MAGI2: variants seen among roughly 807,000 people sequenced by gnomAD.
MAGI2 encodes the protein membrane associated guanylate kinase, WW and PDZ domain containing 2.
A neutral mutation model predicts 133.3 loss-of-function variants in MAGI2; 35 were observed. That is an observed-to-expected ratio of 0.26 (90% CI 0.20 to 0.35). The LOEUF (loss-of-function observed/expected upper bound fraction) is 0.35, where lower values mean the gene tolerates loss of function less well. Ranked by LOEUF, MAGI2 falls within the 10% of genes least tolerant of loss-of-function variation. The pLI, the probability that MAGI2 is intolerant of heterozygous loss-of-function variation, is 1.00. For missense variants in MAGI2, 1,636 were observed against 1,863.4 expected (o/e 0.88, Z 2.25); for synonymous variants, 729 against 710.6 (o/e 1.03, Z -0.41).
At chr7:78,900,016 C>T (rs1301445655) in intron 2 of MAGI2, among the ~76,000 whole-genome samples, 1 of 152,142 alleles carries the variant, frequency 6.6e-6, no homozygotes, top group African/African-American at 2.4e-5. Context: ...ATTCTGAGAT[C>T]CATTTACTAA....
At chr7:78,798,630 G>T (rs142554886) in intron 2 of MAGI2, among the ~76,000 whole-genome samples, 166 of 152,264 alleles carry the variant, frequency 1.1e-3, no homozygotes, top group African/African-American at 3.9e-3. Context: ...GCTTCAGGAT[G>T]AATACTGAAT....
rs1275473223 is a variant in MAGI2, at chr7:78,522,401, CAG to C, written c.539-758_539-757del. On this transcript the variant is annotated intron_variant, in intron 3 of 21. Coordinates refer to ENST00000354212, the MANE Select transcript of MAGI2 (RefSeq NM_012301.4). ...TCTTTATTATTTCATTTTATTGAGA[CAG>C]AGTCTTGCTCTGTTGCCCAGGCTGG... Among the ~76,000 whole-genome samples, 9 of 152,284 alleles carry C rather than the reference CAG, an allele frequency of 5.9e-5. No individual in the cohort carries two copies. In the East Asian group the frequency reaches 1.5e-3, roughly 26 times the overall value.
At chr7:78,320,396 C>G (rs929718696) in intron 9 of MAGI2, among the ~76,000 whole-genome samples, 1 of 152,190 alleles carries the variant, frequency 6.6e-6, no homozygotes, top group Non-Finnish European at 1.5e-5. Context: ...AAACCACATC[C>G]AGCAGCACAT....
chr7:78,821,544 C>T (rs1790113270), intron 2 of MAGI2, among the ~76,000 whole-genome samples: 2 of 151,776 alleles, frequency 1.3e-5, no homozygotes, highest in South Asian at 4.2e-4. Flanking sequence ...TATTTACTGA[C>T]CATTATAGTC....
At chr7:78,535,674 A>G (rs1797827645) in intron 3 of MAGI2, among the ~76,000 whole-genome samples, 1 of 152,142 alleles carries the variant, frequency 6.6e-6, no homozygotes, top group Non-Finnish European at 1.5e-5. Flanking sequence ...CCCTTTCCCA[A>G]AACAAACCCC....
At chr7:78,885,817 C>G (rs1796218417) in intron 2 of MAGI2, among the ~76,000 whole-genome samples, 1 of 152,124 alleles carries the variant, frequency 6.6e-6, no homozygotes, top group Non-Finnish European at 1.5e-5. Flanking sequence ...CTGAGTATAA[C>G]TCACTACTTG....
At chr7:78,703,703 T>C (rs1404746598) in intron 2 of MAGI2, among the ~76,000 whole-genome samples, 1 of 152,028 alleles carries the variant, frequency 6.6e-6, no homozygotes, top group Non-Finnish European at 1.5e-5. Flanking sequence ...TTAAAAGTAA[T>C]TTATCACTTG....
intron 1 of MAGI2, among the ~76,000 whole-genome samples, chr7:79,420,963 A>T (rs1019954012): frequency 6.6e-6 from 1 of 152,014 alleles, no homozygotes; most frequent in Non-Finnish European, 1.5e-5. Context: ...TTTGTTTATC[A>T]TTCATAATCT....
intron 2 of MAGI2, among the ~76,000 whole-genome samples, chr7:78,662,538 T>C (rs1287594299): frequency 1.3e-5 from 2 of 152,240 alleles, no homozygotes; most frequent in African/African-American, 2.4e-5. Flanking sequence ...TGAATGTATT[T>C]TGCTTTGCAG....
At chr7:79,405,369 C>A (rs927968765) in intron 1 of MAGI2, among the ~76,000 whole-genome samples, 5 of 152,116 alleles carry the variant, frequency 3.3e-5, no homozygotes, top group African/African-American at 9.7e-5. Flanking sequence ...CTCTGCATGT[C>A]AAAATTCAAC....
chr7:78,635,956 C>A (rs923234801), intron 2 of MAGI2, among the ~76,000 whole-genome samples: 1 of 152,086 alleles, frequency 6.6e-6, no homozygotes, highest in Non-Finnish European at 1.5e-5. Flanking sequence ...CTAAAGTAAG[C>A]AAAGCAAATA....
intron 9 of MAGI2, among the ~76,000 whole-genome samples, chr7:78,268,353 A>G (rs1794220409): frequency 6.6e-6 from 1 of 152,216 alleles, no homozygotes; most frequent in South Asian, 2.1e-4. Context: ...TTTCTACTGA[A>G]TAAATATATT....
At position 78,501,806 on chromosome 7, in the gene MAGI2, A is replaced by G. The variant is rs1794650969; in HGVS notation, c.755-19T>C. ...CTGGATTCTATAAGAGAACAAGAGC[A>G]CGTGGTTAGTCACTCCAACCATGGT... On this transcript the variant is annotated intron_variant, in intron 4 of 21. Coordinates refer to ENST00000354212, the MANE Select transcript of MAGI2 (RefSeq NM_012301.4). The G allele has an allele frequency of 1.0e-5, 16 of 1,602,078 alleles. No homozygotes were observed. Among genetic ancestry groups the G allele is most frequent in the Non-Finnish European group, 1.4e-5 (16 of 1,170,886 alleles).
At chr7:78,327,091 C>T (rs1161053431) in intron 9 of MAGI2, among the ~76,000 whole-genome samples, 1 of 152,170 alleles carries the variant, frequency 6.6e-6, no homozygotes, top group Non-Finnish European at 1.5e-5. Flanking sequence ...TCAAGCTTGA[C>T]CTCTTTCACC....
intron 6 of MAGI2, among the ~76,000 whole-genome samples, chr7:78,428,632 G>C (rs1799506880): frequency 6.6e-6 from 1 of 152,126 alleles, no homozygotes; most frequent in African/African-American, 2.4e-5. Flanking sequence ...GCCCATTTAA[G>C]GCTGGTGCCT....
intron 6 of MAGI2, among the ~76,000 whole-genome samples, chr7:78,473,106 T>C (rs1042266756): frequency 6.6e-6 from 1 of 152,096 alleles, no homozygotes; most frequent in Non-Finnish European, 1.5e-5. Context: ...TCTGTGAAAG[T>C]GCTTTAGAAA....
At position 78,855,091 on chromosome 7, in the gene MAGI2, C is replaced by A. The variant is rs371331160; in HGVS notation, c.418+151999G>T. 4.0e-5 allele frequency among the ~76,000 whole-genome samples: 6 copies of A among 151,704 alleles called. No homozygotes were observed. The South Asian group carries it at 1.3e-3, about 32-fold the overall frequency. ...GGCTGAATTACTTTTTAAAAAATAA[C>A]TTTTACTTAAAAAATATTTTTGTAA... On this transcript the variant is annotated intron_variant, in intron 2 of 21. Coordinates refer to ENST00000354212, the MANE Select transcript of MAGI2 (RefSeq NM_012301.4).
At chr7:79,218,321 CAA>C (rs1830190145) in intron 1 of MAGI2, among the ~76,000 whole-genome samples, 2 of 151,980 alleles carry the variant, frequency 1.3e-5, no homozygotes, top group Non-Finnish European at 2.9e-5. Flanking sequence ...AGGGATTTGA[CAA>C]ATATTTGGCA....
chr7:78,944,197 C>T (rs900471111), intron 2 of MAGI2, among the ~76,000 whole-genome samples: 6 of 152,172 alleles, frequency 3.9e-5, no homozygotes, highest in South Asian at 2.1e-4. Flanking sequence ...TACACTCATA[C>T]TATTGCACTC....
Sources: allele counts gnomAD v4.1 joint callset (sites outside exome capture counted in the v4.1 genomes callset), GRCh38; gene constraint gnomAD v4.1.1; transcripts MANE v1.5; gene names NCBI Gene and HGNC (gene_info 2026-07-23, HGNC 2026-07-21).